ADD2: variants seen among roughly 807,000 people sequenced by gnomAD.
ADD2 encodes the protein beta-adducin.
A neutral mutation model predicts 83.0 loss-of-function variants in ADD2; 23 were observed. The ratio of observed to expected loss-of-function variants is 0.28; its 90% CI spans 0.20 to 0.39. The LOEUF is 0.39. ADD2 is among the 10% of genes least tolerant of loss of function. ADD2 has a pLI of 1.00. For missense variants in ADD2, 758 were observed against 944.9 expected, an observed-to-expected ratio of 0.80 and a Z score of 2.59; for synonymous variants, 375 against 375.4, an observed-to-expected ratio of 1.00 and a Z score of 0.01.
chr2:70,731,412 T>C (rs556001064), intron 1 of ADD2, among the ~76,000 whole-genome samples: 1 of 152,270 alleles, frequency 6.6e-6, no homozygotes, highest in South Asian at 2.1e-4. Flanking sequence ...CCATGTGCGA[T>C]TAGGAGAAAG....
chr2:70,758,306 T>C (rs1312816135), intron 1 of ADD2, among the ~76,000 whole-genome samples: 1 of 152,218 alleles, frequency 6.6e-6, no homozygotes, highest in Non-Finnish European at 1.5e-5. Flanking sequence ...CTTTGTGAAT[T>C]TTTTTGCCTT....
intron 7 of ADD2, chr2:70,691,645 C>G (rs1671041771): frequency 6.6e-6 from 1 of 152,076 alleles, no homozygotes; most frequent in Non-Finnish European, 1.5e-5. Flanking sequence ...CCCTTGCCCT[C>G]CTTCATTCAT....
chr2:70,675,703 A>C, intron 13 of ADD2: 1 of 985,452 alleles, frequency 1.0e-6, no homozygotes, highest in Non-Finnish European at 1.2e-6. Flanking sequence ...CTGGCCCGCC[A>C]GGTCTTCTGC....
intron 1 of ADD2, among the ~76,000 whole-genome samples, chr2:70,723,883 A>G (rs1672851425): frequency 6.6e-6 from 1 of 152,240 alleles, no homozygotes; most frequent in Admixed American, 6.5e-5. Context: ...GCCAAAAACC[A>G]TGAACGGTAT....
At chr2:70,673,320 C>G (rs782273409) in intron 14 of ADD2, 1 of 1,614,042 alleles carries the variant, frequency 6.2e-7, no homozygotes, top group East Asian at 2.2e-5. Context: ...TCGTTCCTGT[C>G]CTGTCTCTGA....
At chr2:70,710,191 T>C (rs554820816) in intron 2 of ADD2, among the ~76,000 whole-genome samples, 1 of 152,370 alleles carries the variant, frequency 6.6e-6, no homozygotes, top group South Asian at 2.1e-4. Context: ...GAGCCCCCTG[T>C]GCTCCCTAGG....
At chr2:70,724,257 G>C (rs1361467704) in intron 1 of ADD2, among the ~76,000 whole-genome samples, 1 of 152,178 alleles carries the variant, frequency 6.6e-6, no homozygotes, top group Admixed American at 6.5e-5. Context: ...CCCACCCCGT[G>C]CTGTGGAGCG....
rs1675420440 is a variant in ADD2 at position 70,658,016 on chromosome 2, G to T, written c.*5409C>A. On this transcript the variant is annotated 3_prime_UTR_variant, in exon 16 of 16. Transcript: ENST00000264436. ...CCCAACTTTTGGGAAAATCTAGAAGGTAAGTGGCACCAAACATCAATATAG... is the reference window on the plus strand; with the variant it reads ...CCCAACTTTTGGGAAAATCTAGAAGTTAAGTGGCACCAAACATCAATATAG... 6.6e-6 allele frequency: 1 copy of T among 152,176 alleles called. No individual in the cohort carries two copies. The highest frequency in any genetic ancestry group is 2.1e-4 in the South Asian group (1 of 4,820). The allele number at this position is 152,176 out of a possible 1,614,324, so 9.4% of individuals were successfully genotyped here.
chr2:70,675,567 C>G, intron 13 of ADD2: 13 of 985,456 alleles, frequency 1.3e-5, no homozygotes, highest in Non-Finnish European at 1.6e-5. Context: ...AATTCAGACT[C>G]CACAGCCTTT....
At chr2:70,685,999 A>T (rs1670703396) in intron 9 of ADD2, among the ~76,000 whole-genome samples, 1 of 152,222 alleles carries the variant, frequency 6.6e-6, no homozygotes, top group African/African-American at 2.4e-5. Context: ...AGGAGAAATA[A>T]ATAGGCTCTC....
At chr2:70,678,244 G>A (rs1670275494) in intron 11 of ADD2, among the ~76,000 whole-genome samples, 1 of 152,230 alleles carries the variant, frequency 6.6e-6, no homozygotes, top group Non-Finnish European at 1.5e-5. Context: ...CTATTTGGCT[G>A]TTGGCTACTT....
chr2:70,720,413 C>T (rs2052274), intron 1 of ADD2, among the ~76,000 whole-genome samples: 1 of 151,980 alleles, frequency 6.6e-6, no homozygotes, highest in African/African-American at 2.4e-5. Context: ...CAGTGAGGCT[C>T]AGGCCATGAT....
At position 70,676,716 on chromosome 2, in the gene ADD2, T is replaced by C; in HGVS notation, c.1593+80A>G. 6.3e-7 allele frequency: 1 copy of C among 1,590,396 alleles called. No homozygotes were observed. Among genetic ancestry groups the C allele is most frequent in the Non-Finnish European group, 8.6e-7 (1 of 1,167,198 alleles). On this transcript the variant is annotated intron_variant, in intron 13 of 15. Transcript: ENST00000264436. The surrounding 1 kb of genome is among the most constrained non-coding windows in gnomAD (Gnocchi z 4.8). ...GAAGGTGGGTATGAGGACTCAGGGGTCCTGCAACCCAGCCCCAGGCACAGA... is the reference window on the plus strand; with the variant it reads ...GAAGGTGGGTATGAGGACTCAGGGGCCCTGCAACCCAGCCCCAGGCACAGA...
chr2:70,726,398 C>A (rs1357743411), intron 1 of ADD2, among the ~76,000 whole-genome samples: 1 of 152,086 alleles, frequency 6.6e-6, no homozygotes, highest in Non-Finnish European at 1.5e-5. Flanking sequence ...TCCCTGGGAT[C>A]AATCAATGCT....
chr2:70,684,832 T>A (rs902725256), intron 9 of ADD2, among the ~76,000 whole-genome samples: 23 of 152,236 alleles, frequency 1.5e-4, no homozygotes, highest in African/African-American at 5.5e-4. Flanking sequence ...TTGTAGGCAA[T>A]GGACTCTGAG....
intron 5 of ADD2, 97 bp from the exon 6 acceptor site, chr2:70,695,898 C>G (rs1671281675): frequency 2.9e-6 from 3 of 1,046,896 alleles, no homozygotes; most frequent in Non-Finnish European, 4.3e-6. Flanking sequence ...ATCTACTGCA[C>G]CCAAGTCCAT....
Position 70,676,993 on chromosome 2 carries a change from G to C in ADD2, c.1504-108C>G, listed in dbSNP as rs1306379401. On this transcript the variant is annotated intron_variant, in intron 12 of 15. Transcript: ENST00000264436. This position sits in a 1 kb window ranked among gnomAD's most constrained non-coding sequence, Gnocchi z 4.8. ...GGGTCTAGAAAGGTCCTCTAGCGGT[G>C]TGGGAGCCCGTCACCTATCCTAATG... is the stretch of plus-strand genomic sequence containing the variant. 10 of 1,483,630 alleles carry C rather than the reference G, an allele frequency of 6.7e-6. No homozygotes were observed. The highest frequency in any genetic ancestry group is 1.8e-4 in the Middle Eastern group (1 of 5,538). The allele number at this position is 1,483,630 out of a possible 1,614,324, so 91.9% of individuals were successfully genotyped here.
intron 14 of ADD2, among the ~76,000 whole-genome samples, 167 bp downstream of exon 14, chr2:70,674,511 C>T (rs1010633053): frequency 3.3e-5 from 5 of 152,076 alleles, no homozygotes; most frequent in African/African-American, 4.8e-5. Flanking sequence ...ATGAAGGCAC[C>T]GAGTAACTGT....
intron 4 of ADD2, 145 bp from the exon 5 acceptor site, chr2:70,696,541 T>C (rs781312679): frequency 9.1e-7 from 1 of 1,098,490 alleles, no homozygotes; most frequent in Non-Finnish European, 1.3e-6. Flanking sequence ...GACCCTTACC[T>C]GGGGCAGGAG....
Sources: gnomAD v4.1 joint callset for allele counts (sites outside exome capture counted in the v4.1 genomes callset) on GRCh38, gnomAD v4.1.1 for gene constraint, Gnocchi (gnomAD v3.1) non-coding constraint, MANE v1.5 for transcripts, NCBI Gene and HGNC (gene_info 2026-07-23, HGNC 2026-07-21) for gene names.